Variants in RYR1 observed in about 807,000 individuals in gnomAD.
RYR1 encodes ryanodine receptor 1.
A neutral mutation model predicts 583.5 loss-of-function variants in RYR1; 342 were observed. The ratio of observed to expected loss-of-function variants is 0.59; its 90% CI spans 0.54 to 0.64. The LOEUF (loss-of-function observed/expected upper bound fraction) is 0.64, where lower values mean the gene tolerates loss of function less well. Ranked by LOEUF, RYR1 falls within the 30% of genes least tolerant of loss-of-function variation. The pLI is 0.00. For synonymous variants in RYR1, 2,791 were observed against 2,822.5 expected, an observed-to-expected ratio of 0.99 and a Z score of 0.35; for missense variants, 6,032 against 6,917.2, an observed-to-expected ratio of 0.87 and a Z score of 4.54.
chr19:38,504,091 C>A, intron 49 of RYR1, 129 bp from the exon 50 acceptor site: 1 of 1,009,884 alleles, frequency 9.9e-7, no homozygotes, highest in East Asian at 2.6e-5. Flanking sequence ...ATTAGCATAT[C>A]ATTTGCATAA....
In RYR1 at chr19:38,502,790, GGCAGGGGCAGGGGCAGGGGGAGGA is replaced by G. The variant is rs1211946994; in HGVS notation, c.7836-73_7836-50del. 0.023 allele frequency: 25,098 copies of G among 1,109,776 alleles called. 1,990 individuals are homozygous for G. The highest frequency in any genetic ancestry group is 0.11 in the African/African-American group (5,477 of 52,054). The allele number at this position is 1,109,776 out of a possible 1,614,324, so 68.7% of individuals were successfully genotyped here. ...GGGCAGGGGCAGGGGCAGGGGCAGG[GGCAGGGGCAGGGGCAGGGGGAGGA>G]GCAGGGGCAGGGGCAGCAGAGCGGG... is the stretch of plus-strand genomic sequence containing the variant. On this transcript the variant is annotated intron_variant, in intron 48 of 105. Transcript: ENST00000359596.
chr19:38,560,128 C>T (rs772723838), intron 89 of RYR1, among the ~76,000 whole-genome samples: 2 of 151,976 alleles, frequency 1.3e-5, no homozygotes, highest in Non-Finnish European at 2.9e-5. Context: ...CTTTGGGAGG[C>T]GGAGGAGGGC....
Position 38,504,805 on chromosome 19 carries a change from G to T in RYR1, c.8125G>T (p.Ala2709Ser). 1 of 1,614,156 alleles carries T rather than the reference G, an allele frequency of 6.2e-7. No individual in the cohort carries two copies. The highest frequency in any genetic ancestry group is 8.5e-7 in the Non-Finnish European group (1 of 1,180,010). Residue 2709 changes from alanine (A) to serine (S), a missense_variant, in exon 51 of 106, where the codon GCT becomes TCT. By Grantham distance (99) the Ala-to-Ser change is moderately conservative (BLOSUM62 1). This residue lies in a region of RYR1 where 1,493 missense variants were observed against 1,715.5 expected (regional missense o/e 0.87). Transcript: ENST00000359596. Reference sequence around the variant, plus strand: ...GCCTTGTCTGTGCGCCATTGCCGGGGCTCTGCCCCCCGACTATGTGGATGC... The same window carrying T: ...GCCTTGTCTGTGCGCCATTGCCGGGTCTCTGCCCCCCGACTATGTGGATGC... ...AMPCLCAIAG[A>S]LPPDYVDASY...
rs1286714132 is a variant in RYR1 at position 38,536,779 on chromosome 19, A to G, written c.11608+12A>G. ...CAATCGCCAGAACGGTAATTCCCCC[A>G]GCCCACCCCCGTGCTGTGCTGCTGT... On this transcript the variant is annotated intron_variant, in intron 83 of 105. Coordinates refer to ENST00000359596, the MANE Select transcript of RYR1 (RefSeq NM_000540.3). 1 of 1,612,806 alleles carries G rather than the reference A, an allele frequency of 6.2e-7. No homozygotes were observed. The highest frequency in any genetic ancestry group is 1.3e-5 in the African/African-American group (1 of 74,546).
At position 38,469,667 on chromosome 19, in the gene RYR1, C is replaced by G. The variant is rs76563952; in HGVS notation, c.3765+154C>G. Reference sequence around the variant, plus strand: ...GATGGGCTCACGGGCTGTATGACTCCGGGTGTAACTTTGGCAAACCACAGC... The same window carrying G: ...GATGGGCTCACGGGCTGTATGACTCGGGGTGTAACTTTGGCAAACCACAGC... On this transcript the variant is annotated intron_variant, in intron 27 of 105. Transcript: ENST00000359596. Among the ~76,000 whole-genome samples the G allele has an allele frequency of 0.035, 5,369 of 152,166 alleles. 302 individuals carry two copies. The highest frequency in any genetic ancestry group is 0.12 in the African/African-American group (5,051 of 41,458).
At chr19:38,459,891 G>A (rs117163044) in intron 19 of RYR1, among the ~76,000 whole-genome samples, 4,407 of 152,112 alleles carry the variant, frequency 0.029, 91 homozygotes, top group Middle Eastern at 0.044. Context: ...CCCTGCTCCC[G>A]AATAACCCCA....
Position 38,512,303 on chromosome 19 carries a change from A to C in RYR1, c.9292A>C (p.Ser3098Arg), listed in dbSNP as rs1970765609. Reference sequence around the variant, plus strand: ...GGCTGGCCTCCGCTCCTTCTTCGAGAGTGCCTCGGAGGACATCGAGAAGAT... The same window carrying C: ...GGCTGGCCTCCGCTCCTTCTTCGAGCGTGCCTCGGAGGACATCGAGAAGAT... Reference protein sequence around the residue: ...VKAGLRSFFESASEDIEKMVE... With the variant: ...VKAGLRSFFERASEDIEKMVE... Residue 3098 changes from serine to arginine, a missense_variant, in exon 63 of 106, where the codon AGT becomes CGT. Ser to Arg is a moderately radical substitution (Grantham distance 110). Around this residue, in one of 11 missense-constraint regions of RYR1, gnomAD observed 1,493 missense variants for 1,715.5 expected, o/e 0.87. Transcript: ENST00000359596. This position sits in a 1 kb window ranked among gnomAD's most constrained non-coding sequence, Gnocchi z 5.1. 1.2e-6 allele frequency: 2 copies of C among 1,614,204 alleles called. No homozygotes were observed. Among genetic ancestry groups the C allele is most frequent in the Non-Finnish European group, 1.7e-6 (2 of 1,180,040 alleles).
Position 38,578,210 on chromosome 19 carries a change from C to T in RYR1, c.14364+6C>T, listed in dbSNP as rs1255132553. 1 of 1,612,912 alleles carries T rather than the reference C, an allele frequency of 6.2e-7. No homozygotes were observed. The highest frequency in any genetic ancestry group is 2.2e-5 in the East Asian group (1 of 44,826). Reference sequence around the variant, plus strand: ...GGGTCATCTTCACAGACAACGTGAGCAGGGGCCCACAGACTGGGGAGGGAC... The same window carrying T: ...GGGTCATCTTCACAGACAACGTGAGTAGGGGCCCACAGACTGGGGAGGGAC... On this transcript the variant is annotated splice_donor_region_variant and intron_variant, in intron 99 of 105. Coordinates refer to ENST00000359596, the MANE Select transcript of RYR1 (RefSeq NM_000540.3).
chr19:38,508,324 C>T (rs1303144172), intron 58 of RYR1, among the ~76,000 whole-genome samples: 1 of 152,100 alleles, frequency 6.6e-6, no homozygotes, highest in African/African-American at 2.4e-5. Context: ...ATTCTCCTGC[C>T]TCAGCCTCCT....
At position 38,535,144 on chromosome 19, in the gene RYR1, A is replaced by G. The variant is rs1268466889; in HGVS notation, c.11363A>G (p.Glu3788Gly). The G allele has an allele frequency of 6.2e-7, 1 of 1,613,590 alleles. No individual in the cohort carries two copies. Among genetic ancestry groups the G allele is most frequent in the Admixed American group, 1.7e-5 (1 of 60,000 alleles). ...TTTTTTCTCCCACTCCCTCCAGGAG[A>G]GACAGGTGCCATGGTGTCCTCCACC... Reference protein sequence around the residue: ...VLQMISACKGETGAMVSSTLK... With the variant: ...VLQMISACKGGTGAMVSSTLK... The change falls in exon 80 of 106, where the codon GAG becomes GGG. Residue 3788 changes from glutamate to glycine, a missense_variant. Around this residue, in one of 11 missense-constraint regions of RYR1, gnomAD observed 1,493 missense variants for 1,715.5 expected, o/e 0.87. Coordinates refer to ENST00000359596, the MANE Select transcript of RYR1 (RefSeq NM_000540.3).
chr19:38,456,889 A>G (rs2145402723), intron 16 of RYR1, among the ~76,000 whole-genome samples: 1 of 151,720 alleles, frequency 6.6e-6, no homozygotes, highest in Middle Eastern at 3.4e-3. Flanking sequence ...TACTAAAAAT[A>G]CAAAAAATTA....
At position 38,565,111 on chromosome 19, in the gene RYR1, C is replaced by CGACGAG. The variant is rs746833347; in HGVS notation, c.12785_12790dup (p.Asp4262_Glu4263dup). 55 of 1,542,754 alleles carry CGACGAG rather than the reference C, an allele frequency of 3.6e-5. No homozygotes were observed. The African/African-American group carries it at 5.9e-4, about 16-fold the overall frequency. Reference sequence around the variant, plus strand: ...CGGAGCCCGAGGGCGAGCCGGAGACCGACGAGGACGAGGGCGCGGGCGCGG... The same window carrying CGACGAG: ...CGGAGCCCGAGGGCGAGCCGGAGACCGACGAGGACGAGGACGAGGGCGCGGGCGCGG... On this transcript the variant is annotated inframe_insertion, in exon 91 of 106. Transcript: ENST00000359596. This position sits in a 1 kb window ranked among gnomAD's most constrained non-coding sequence, Gnocchi z 4.7.
intron 48 of RYR1, 43 bp from the exon 49 acceptor site, chr19:38,502,837 G>C (rs768772363): frequency 3.1e-6 from 5 of 1,587,634 alleles, no homozygotes; most frequent in East Asian, 2.2e-5. Context: ...GCAGCAGAGC[G>C]GGCCTGGACG....
At position 38,537,884 on chromosome 19, in the gene RYR1, G is replaced by A; in HGVS notation, c.11613G>A (p.Glu3871=). Residue 3871 remains glutamate, a synonymous_variant, in exon 84 of 106, where the codon GAG becomes GAA. Transcript: ENST00000359596. ...DGTVINRQNG[E]KVMADDEFTQ... is the part of the protein sequence containing the mutation. ...TGTCCCCTCCCTTCCACCTAGGAGAGAAGGTCATGGCGGATGATGAATTCA... is the reference window on the plus strand; with the variant it reads ...TGTCCCCTCCCTTCCACCTAGGAGAAAAGGTCATGGCGGATGATGAATTCA... 6.2e-7 allele frequency: 1 copy of A among 1,607,290 alleles called. No individual in the cohort carries two copies. The highest frequency in any genetic ancestry group is 1.7e-4 in the Middle Eastern group (1 of 5,944).
Position 38,485,795 on chromosome 19 carries a change from C to T in RYR1, c.5140C>T (p.Leu1714Phe). Residue 1714 changes from leucine to phenylalanine, a missense_variant, in exon 34 of 106, where the codon CTC becomes TTC. Physicochemically the swap from Leu to Phe is conservative, Grantham distance 22. Around this residue, in one of 11 missense-constraint regions of RYR1, gnomAD observed 2,627 missense variants for 2,961.3 expected, o/e 0.89. Coordinates refer to ENST00000359596, the MANE Select transcript of RYR1 (RefSeq NM_000540.3). ...ACTGCGCGCAGGCTACTATGACCTC[C>T]TCATCAGCATCCACCTCGAAAGTGC... ...GPLRAGYYDL[L>F]ISIHLESACR... The T allele has an allele frequency of 1.2e-6, 2 of 1,613,438 alleles. No homozygotes were observed. The highest frequency in any genetic ancestry group is 1.7e-6 in the Non-Finnish European group (2 of 1,180,000).
chr19:38,481,590 C>G (rs150694135), intron 31 of RYR1, among the ~76,000 whole-genome samples: 1 of 152,068 alleles, frequency 6.6e-6, no homozygotes, highest in South Asian at 2.1e-4. Flanking sequence ...CACTTTGCTC[C>G]TCAAAGTGTG....
rs1972037252 is a variant in RYR1 at position 38,537,767 on chromosome 19, G to T, written c.11609-113G>T. ...TTTGGAGTGGCAGCTGCTCCTCCCA[G>T]CACCCCCATGCTTTGTGCATGCGTG... On this transcript the variant is annotated intron_variant, in intron 83 of 105. Coordinates refer to ENST00000359596, the MANE Select transcript of RYR1 (RefSeq NM_000540.3). 6.9e-6 allele frequency: 7 copies of T among 1,009,530 alleles called. No individual in the cohort carries two copies. The East Asian group carries it at 1.7e-4, about 24-fold the overall frequency. The allele number at this position is 1,009,530 out of a possible 1,614,324, so 62.5% of individuals were successfully genotyped here. A position where few individuals can be genotyped will look rare whatever the true frequency, so the allele number is the denominator to read the frequency against.
At chr19:38,560,979 TG>T in intron 89 of RYR1, 133 bp from the exon 90 acceptor site, 1 of 769,172 alleles carries the variant, frequency 1.3e-6, no homozygotes, top group Non-Finnish European at 2.1e-6. Context: ...GTCTTGAGGC[TG>T]GGTTGAGCTG....
intron 47 of RYR1, among the ~76,000 whole-genome samples, chr19:38,502,285 G>A (rs1267681036): frequency 6.6e-6 from 1 of 151,930 alleles, no homozygotes; most frequent in East Asian, 1.9e-4. Context: ...CCAGTTGTGT[G>A]TGTTTGAAAT....
Sources: allele counts gnomAD v4.1 joint callset (sites outside exome capture counted in the v4.1 genomes callset), GRCh38; gene constraint gnomAD v4.1.1; regional missense constraint gnomAD v4.1.1; non-coding constraint Gnocchi (gnomAD v3.1); transcripts MANE v1.5; gene names NCBI Gene and HGNC (gene_info 2026-07-23, HGNC 2026-07-21).